ZNF560: variants seen among roughly 807,000 people sequenced by gnomAD.
ZNF560 encodes zinc finger protein 560.
A neutral mutation model predicts 81.8 loss-of-function variants in ZNF560; 54 were observed. The ratio of observed to expected loss-of-function variants is 0.66; its 90% CI spans 0.53 to 0.83. ZNF560 has a LOEUF of 0.83. ZNF560 is among the 40% of genes least tolerant of loss of function. The pLI is 0.00. For missense variants in ZNF560, 940 were observed against 932.4 expected (o/e 1.01, Z -0.11); for synonymous variants, 321 against 317.9 (o/e 1.01, Z -0.10).
At chr19:9,461,372 C>T (rs1002520573), downstream of ZNF560, among the ~76,000 whole-genome samples, 6 of 152,160 alleles carry the variant, frequency 3.9e-5, no homozygotes, top group South Asian at 4.2e-4. Context: ...AGTTGGTTAC[C>T]GGCGAAGCTT....
rs554497222 is a variant in ZNF560, at chr19:9,490,962, C to T, written c.-57+7166G>A. 3.9e-5 allele frequency among the ~76,000 whole-genome samples: 6 copies of T among 152,264 alleles called. No individual in the cohort carries two copies. In the South Asian group the frequency reaches 1.2e-3, roughly 32 times the overall value. On this transcript the variant is annotated intron_variant, in intron 2 of 9. Coordinates refer to ENST00000301480, the MANE Select transcript of ZNF560 (RefSeq NM_152476.3). ...ACCGAAATAGTCTTCAGAGGTTTTG[C>T]TATTACACAAAACATTGCAACACTC...
At chr19:9,488,536 T>C (rs2144720581) in intron 2 of ZNF560, among the ~76,000 whole-genome samples, 1 of 152,162 alleles carries the variant, frequency 6.6e-6, no homozygotes, top group Middle Eastern at 3.4e-3. Flanking sequence ...TTATCACTTA[T>C]TTTTATCACT....
chr19:9,479,893 G>A (rs543192792), intron 2 of ZNF560, among the ~76,000 whole-genome samples: 3 of 152,082 alleles, frequency 2.0e-5, no homozygotes, highest in Admixed American at 2.0e-4. Context: ...TATAGGAAGG[G>A]GGGTTATCCT....
chr19:9,480,647 G>GA (rs961112617), intron 2 of ZNF560, among the ~76,000 whole-genome samples: 50 of 142,772 alleles, frequency 3.5e-4, no homozygotes, highest in East Asian at 1.4e-3. Context: ...GGGGTGAAGA[G>GA]AAAAAAAAAA....
intron 2 of ZNF560, among the ~76,000 whole-genome samples, chr19:9,476,895 A>T (rs2073211030): frequency 6.6e-6 from 1 of 152,214 alleles, no homozygotes; most frequent in Non-Finnish European, 1.5e-5. Context: ...CTGACAGTGA[A>T]ATATGTCTGG....
chr19:9,488,303 T>A (rs1309199383), intron 2 of ZNF560, among the ~76,000 whole-genome samples: 1 of 152,206 alleles, frequency 6.6e-6, no homozygotes, highest in Non-Finnish European at 1.5e-5. Flanking sequence ...AGCAGAATCC[T>A]GAGCCAAAGA....
At chr19:9,448,221 C>T in the ZNF560 span, among the ~76,000 whole-genome samples, 10 of 151,348 alleles carry the variant, frequency 6.6e-5, no homozygotes, top group Admixed American at 5.3e-4. Context: ...TTTGTGTGTG[C>T]GTGTGGCGGG....
chr19:9,452,993 C>T, the ZNF560 span, among the ~76,000 whole-genome samples: 8 of 152,302 alleles, frequency 5.3e-5, no homozygotes, highest in African/African-American at 1.9e-4. Context: ...TGTATACACT[C>T]TTCCCCGCAC....
chr19:9,473,029 C>G (rs907144241), intron 5 of ZNF560, 150 bp downstream of exon 5: 4 of 665,102 alleles, frequency 6.0e-6, no homozygotes, highest in Admixed American at 2.2e-5. Context: ...TTCTGTAGAG[C>G]CTGCAGAATC....
intron 3 of ZNF560, among the ~76,000 whole-genome samples, chr19:9,474,805 T>C (rs987422387): frequency 1.7e-4 from 26 of 149,112 alleles, no homozygotes; most frequent in Admixed American, 1.6e-3. Context: ...ACTACAGCCA[T>C]GCACCACCAT....
At position 9,469,625 on chromosome 19, in the gene ZNF560, C is replaced by T. The variant is rs374824692; in HGVS notation, c.529+5G>A. 1.9e-6 allele frequency: 3 copies of T among 1,613,984 alleles called. No homozygotes were observed. Among genetic ancestry groups the T allele is most frequent in the Non-Finnish European group, 2.5e-6 (3 of 1,179,850 alleles). On this transcript the variant is annotated splice_donor_5th_base_variant and intron_variant, in intron 8 of 9. Coordinates refer to ENST00000301480, the MANE Select transcript of ZNF560 (RefSeq NM_152476.3). Reference sequence around the variant, plus strand: ...GGACCAGGGTTGTTCTTCACAAACACTCACCTTGGAGAACTCTTGGCAGTG... The same window carrying T: ...GGACCAGGGTTGTTCTTCACAAACATTCACCTTGGAGAACTCTTGGCAGTG...
At chr19:9,447,906 T>A in the ZNF560 span, among the ~76,000 whole-genome samples, 1 of 152,012 alleles carries the variant, frequency 6.6e-6, no homozygotes, top group Admixed American at 6.6e-5. Flanking sequence ...CACGAAGACA[T>A]ACAGTCACCA....
At chr19:9,462,314 C>A (rs1431447875), downstream of ZNF560, among the ~76,000 whole-genome samples, 1 of 152,260 alleles carries the variant, frequency 6.6e-6, no homozygotes, top group East Asian at 1.9e-4. Context: ...AAACCACAAA[C>A]AATGGCATAA....
the ZNF560 span, among the ~76,000 whole-genome samples, chr19:9,457,379 C>T: frequency 5.3e-5 from 8 of 152,316 alleles, no homozygotes; most frequent in South Asian, 2.1e-4. Flanking sequence ...TTTGCAATTA[C>T]GATTCCTGTG....
At chr19:9,484,302 A>G (rs1017754580) in intron 2 of ZNF560, among the ~76,000 whole-genome samples, 1 of 151,918 alleles carries the variant, frequency 6.6e-6, no homozygotes, top group Non-Finnish European at 1.5e-5. Flanking sequence ...AAAAAAAAAA[A>G]AGAAACAGAA....
chr19:9,474,352 G>C (rs760824831), intron 3 of ZNF560, 27 bp from the exon 4 acceptor site: 6 of 1,591,724 alleles, frequency 3.8e-6, no homozygotes, highest in South Asian at 3.4e-5. Context: ...ATGTTGATTT[G>C]AGCCAAGTAA....
In ZNF560 at chr19:9,468,263, G is replaced by C; in HGVS notation, c.684C>G (p.Cys228Trp). 1 of 1,613,750 alleles carries C rather than the reference G, an allele frequency of 6.2e-7. No individual in the cohort carries two copies. The highest frequency in any genetic ancestry group is 8.5e-7 in the Non-Finnish European group (1 of 1,179,908). The change falls in exon 10 of 10, where the codon TGC becomes TGG. Residue 228 changes from cysteine to tryptophan, a missense_variant. Coordinates refer to ENST00000301480, the MANE Select transcript of ZNF560 (RefSeq NM_152476.3). ...QCEDVFCKHP[C>W]LKTNMSTQNR... The stretch of plus-strand genomic sequence containing the variant: ...TTTGAGTACTCATGTTGGTCTTAAG[G>C]CATGGATGTTTACAGAAGACATCTT...
chr19:9,491,410 C>T (rs1358974289), intron 2 of ZNF560, among the ~76,000 whole-genome samples: 1 of 152,086 alleles, frequency 6.6e-6, no homozygotes, highest in Non-Finnish European at 1.5e-5. Context: ...GCCTGAGCCA[C>T]CATGCCCCAT....
chr19:9,473,357 G>A, intron 4 of ZNF560, 98 bp from the exon 5 acceptor site: 2 of 835,004 alleles, frequency 2.4e-6, no homozygotes, highest in Non-Finnish European at 3.7e-6. Context: ...GAAGTGGGTG[G>A]ATTACCTGAA....
Sources: allele counts gnomAD v4.1 joint callset (sites outside exome capture counted in the v4.1 genomes callset), GRCh38; gene constraint gnomAD v4.1.1; transcripts MANE v1.5; gene names NCBI Gene and HGNC (gene_info 2026-07-23, HGNC 2026-07-21).